EMC1: variants seen among roughly 807,000 people sequenced by gnomAD.
EMC1 encodes the protein KIAA0090.
In EMC1, 103 loss-of-function variants were observed where a neutral mutation model predicts 128.8. The observed-to-expected ratio is 0.80, with a 90% CI of 0.68 to 0.94. The LOEUF (loss-of-function observed/expected upper bound fraction) is 0.94, where lower values mean the gene tolerates loss of function less well. Ranked by LOEUF, EMC1 falls within the 40% of genes least tolerant of loss-of-function variation. The probability of loss-of-function intolerance (pLI) is 0.00; values close to 1 mark genes in which losing one functional copy is unlikely to be tolerated. For missense variants in EMC1, 1,083 were observed against 1,250.6 expected (o/e 0.87, Z 2.02); for synonymous variants, 442 against 490.4 (o/e 0.90, Z 1.30).
chr1:19,232,612 T>A lies in EMC1; in HGVS notation c.1782+12A>T, dbSNP rs1178351615. On this transcript the variant is annotated intron_variant, in intron 15 of 22. Transcript: ENST00000477853. ...CACTGAGTCTGGCTCAAGTCAGAGCTGGATGCCTCACCTTGTCCTTCACCA... is the reference window on the plus strand; with the variant it reads ...CACTGAGTCTGGCTCAAGTCAGAGCAGGATGCCTCACCTTGTCCTTCACCA... The A allele has an allele frequency of 6.2e-7, 1 of 1,613,912 alleles. No homozygotes were observed. Among genetic ancestry groups the A allele is most frequent in the East Asian group, 2.2e-5 (1 of 44,876 alleles).
chr1:19,239,386 C>T (rs979004882), intron 8 of EMC1, 84 bp from the exon 9 acceptor site: 6 of 1,261,344 alleles, frequency 4.8e-6, no homozygotes, highest in Non-Finnish European at 6.9e-6. Context: ...CCAGGGAAGG[C>T]CCTTGGCCTT....
Position 19,238,748 on chromosome 1 carries a change from C to T in EMC1, c.1089+47G>A, listed in dbSNP as rs189057579. On this transcript the variant is annotated intron_variant, in intron 10 of 22. Coordinates refer to ENST00000477853, the MANE Select transcript of EMC1 (RefSeq NM_015047.3). ...CTCTTCCCCCAACTCTCTTTGGTGGCCTCCTGCGTCTCTAGGTCTGGCATA... is the reference window on the plus strand; with the variant it reads ...CTCTTCCCCCAACTCTCTTTGGTGGTCTCCTGCGTCTCTAGGTCTGGCATA... 4.8e-4 allele frequency: 629 copies of T among 1,322,154 alleles called. 7 individuals are homozygous for T. The East Asian group carries it at 0.011, about 24-fold the overall frequency. The allele number at this position is 1,322,154 out of a possible 1,614,324, so 81.9% of individuals were successfully genotyped here. A position where few individuals can be genotyped will look rare whatever the true frequency, so the allele number is the denominator to read the frequency against.
At position 19,244,540 on chromosome 1, in the gene EMC1, T is replaced by C. The variant is rs182216693; in HGVS notation, c.220+366A>G. ...AATCCTCCCACCTCAGTCTCCCAAG[T>C]AGCTGGGAATCTAGGCACACGCCAC... On this transcript the variant is annotated intron_variant, in intron 2 of 22. Coordinates refer to ENST00000477853, the MANE Select transcript of EMC1 (RefSeq NM_015047.3). 1,406 of 252,508 alleles carry C rather than the reference T, an allele frequency of 5.6e-3. 9 individuals are homozygous for C. The highest frequency in any genetic ancestry group is 8.0e-3 in the Non-Finnish European group (1,023 of 128,574). 15.6% of individuals were successfully genotyped at this position (252,508 alleles called of 1,614,324 possible).
intron 12 of EMC1, 45 bp downstream of exon 12, chr1:19,237,097 A>C: frequency 1.2e-4 from 158 of 1,292,200 alleles, no homozygotes; most frequent in Middle Eastern, 1.8e-4. Flanking sequence ...AACACATTGG[A>C]AGGCCTGGGG....
In EMC1 at chr1:19,217,116, T is replaced by G. The variant is rs573450358; in HGVS notation, c.*2187A>C. 6.6e-6 allele frequency: 1 copy of G among 152,080 alleles called. No individual in the cohort carries two copies. Among genetic ancestry groups the G allele is most frequent in the African/African-American group, 2.4e-5 (1 of 41,478 alleles). The allele number at this position is 152,080 out of a possible 1,614,324, so 9.4% of individuals were successfully genotyped here. A position where few individuals can be genotyped will look rare whatever the true frequency, so the allele number is the denominator to read the frequency against. On this transcript the variant is annotated 3_prime_UTR_variant, in exon 23 of 23. Transcript: ENST00000477853. Reference sequence around the variant, plus strand: ...ACAAGAAAGCAAATAGATCAGAGAATTGAGAGAGGAAACATAGTCTCAGCA... The same window carrying G: ...ACAAGAAAGCAAATAGATCAGAGAAGTGAGAGAGGAAACATAGTCTCAGCA...
At chr1:19,233,666 T>A (rs2093541405) in intron 13 of EMC1, among the ~76,000 whole-genome samples, 1 of 152,202 alleles carries the variant, frequency 6.6e-6, no homozygotes, top group Non-Finnish European at 1.5e-5. Context: ...TTTCCCTGAT[T>A]CCGTCAATGA....
In EMC1 at chr1:19,219,095, G is replaced by C. The variant is rs1258962138; in HGVS notation, c.*208C>G. 1 of 539,964 alleles carries C rather than the reference G, an allele frequency of 1.9e-6. No individual in the cohort carries two copies. Among genetic ancestry groups the C allele is most frequent in the East Asian group, 3.0e-5 (1 of 33,130 alleles). The allele number at this position is 539,964 out of a possible 1,614,324, so 33.4% of individuals were successfully genotyped here. ...AGGAATCTCTGAGAGTGTCAGCTGA[G>C]AGAGTTCTGTCTCTCTCCATGTAGG... On this transcript the variant is annotated 3_prime_UTR_variant, in exon 23 of 23. Coordinates refer to ENST00000477853, the MANE Select transcript of EMC1 (RefSeq NM_015047.3).
At chr1:19,235,072 G>C in intron 13 of EMC1, 58 bp downstream of exon 13, 1 of 1,586,804 alleles carries the variant, frequency 6.3e-7, no homozygotes. Flanking sequence ...GTCTCTTGTG[G>C]TCATTTCCAG....
intron 18 of EMC1, among the ~76,000 whole-genome samples, chr1:19,226,495 G>GTAA (rs2093474454): frequency 1.3e-5 from 2 of 151,948 alleles, no homozygotes; most frequent in Non-Finnish European, 2.9e-5. Context: ...TGAAGACAGG[G>GTAA]TTTTACTATG....
At chr1:19,242,565 G>A in intron 4 of EMC1, 92 bp from the exon 5 acceptor site, 1 of 1,436,574 alleles carries the variant, frequency 7.0e-7, no homozygotes, top group Non-Finnish European at 9.5e-7. Context: ...TTGCTTAGTG[G>A]GTAAGAAAAC....
rs150874547 is a variant in EMC1 at position 19,246,063 on chromosome 1, C to A, written c.96-1033G>T. Among the ~76,000 whole-genome samples, 1,490 of 152,266 alleles carry A rather than the reference C, an allele frequency of 9.8e-3. 21 individuals carry two copies. The highest frequency in any genetic ancestry group is 0.014 in the Non-Finnish European group (980 of 68,012). ...GAGGCTGCAGTGAGCCGAGATCACA[C>A]CATTGCACTCCAACCTGACAAGACT... On this transcript the variant is annotated intron_variant, in intron 1 of 22. Transcript: ENST00000477853.
At chr1:19,227,141 A>T (rs528970578) in intron 18 of EMC1, among the ~76,000 whole-genome samples, 172 bp downstream of exon 18, 14 of 152,232 alleles carry the variant, frequency 9.2e-5, no homozygotes, top group Non-Finnish European at 2.1e-4. Context: ...CATCACAACA[A>T]GCCCAGGAGG....
At chr1:19,231,107 T>G in intron 16 of EMC1, 144 bp from the exon 17 acceptor site, 1 of 1,324,406 alleles carries the variant, frequency 7.6e-7, no homozygotes, top group Non-Finnish European at 1.0e-6. Flanking sequence ...TTTTCACAAA[T>G]GCAGACACAG....
intron 9 of EMC1, among the ~76,000 whole-genome samples, 170 bp downstream of exon 9, chr1:19,239,060 TG>T: frequency 6.6e-6 from 1 of 152,068 alleles, no homozygotes. Context: ...TGGGGAGAAA[TG>T]GGGTGTGCAG....
rs368104086 is a variant in EMC1 at position 19,219,702 on chromosome 1, C to G, written c.2673-4G>C. 2.9e-5 allele frequency: 47 copies of G among 1,613,950 alleles called. No individual in the cohort carries two copies. Among genetic ancestry groups the G allele is most frequent in the Non-Finnish European group, 5.1e-6 (6 of 1,179,996 alleles). ...ATACGGGATTAAGTTCTCCTCTCTG[C>G]AAAACACCAGCCGGGACAGGCAGTC... On this transcript the variant is annotated splice_polypyrimidine_tract_variant and splice_region_variant and intron_variant, in intron 21 of 22. Transcript: ENST00000477853.
chr1:19,223,584 A>C lies in EMC1; in HGVS notation c.2203-15T>G. 1 of 1,612,764 alleles carries C rather than the reference A, an allele frequency of 6.2e-7. No homozygotes were observed. Among genetic ancestry groups the C allele is most frequent in the South Asian group, 1.1e-5 (1 of 91,040 alleles). On this transcript the variant is annotated splice_polypyrimidine_tract_variant and intron_variant, in intron 18 of 22. Transcript: ENST00000477853. ...GGGTTCAGGCTCTGGAGAGAGAGAG[A>C]AAACCTCCCTTAGAACCACGACGAC...
chr1:19,239,359 T>A (rs1423900064), intron 8 of EMC1, 57 bp from the exon 9 acceptor site: 1 of 1,489,968 alleles, frequency 6.7e-7, no homozygotes, highest in African/African-American at 1.4e-5. Flanking sequence ...CCAGCTGCCT[T>A]ACAGAGGGTC....
rs144374191 is a variant in EMC1 at position 19,216,233 on chromosome 1, C to CAAAAAAAAAA, written c.*3069_*3070insTTTTTTTTTT. The stretch of plus-strand genomic sequence containing the variant: ...GCCTGGGTGACAGAGACCCTGCCTC[C>CAAAAAAAAAA]AAAAAAAAAGCAATTTATAAAGGCA... On this transcript the variant is annotated 3_prime_UTR_variant, in exon 23 of 23. Coordinates refer to ENST00000477853, the MANE Select transcript of EMC1 (RefSeq NM_015047.3). 58 of 129,554 alleles carry CAAAAAAAAAA rather than the reference C, an allele frequency of 4.5e-4. 4 individuals are homozygous for CAAAAAAAAAA. Among genetic ancestry groups the CAAAAAAAAAA allele is most frequent in the African/African-American group, 4.8e-4 (17 of 35,272 alleles). The allele number at this position is 129,554 out of a possible 1,614,324, so 8.0% of individuals were successfully genotyped here. A position where few individuals can be genotyped will look rare whatever the true frequency, so the allele number is the denominator to read the frequency against.
At chr1:19,221,130 C>G (rs888953302) in intron 20 of EMC1, 1 of 246,752 alleles carries the variant, frequency 4.1e-6, no homozygotes, top group African/African-American at 2.3e-5. Flanking sequence ...TAGAAGGCCA[C>G]TTGGATTTCC....
Sources: gnomAD v4.1 joint callset for allele counts (sites outside exome capture counted in the v4.1 genomes callset) on GRCh38, gnomAD v4.1.1 for gene constraint, MANE v1.5 for transcripts, NCBI Gene and HGNC (gene_info 2026-07-23, HGNC 2026-07-21) for gene names.